Variants in CTSB observed in about 807,000 individuals in gnomAD.
CTSB encodes the protein cathepsin B, also known as APP secretase.
CTSB carries 57 observed loss-of-function variants against 44.3 expected under a neutral mutation model. The observed-to-expected ratio is 1.29, with a 90% CI of 1.04 to 1.60. CTSB has a LOEUF of 1.60. Among genes scored for constraint, CTSB ranks in the 40% most tolerant of loss-of-function variants. The pLI is 0.00. For synonymous variants in CTSB, 320 were observed against 168.0 expected, an observed-to-expected ratio of 1.91 and a Z score of -7.00; for missense variants, 768 against 443.0, an observed-to-expected ratio of 1.73 and a Z score of -6.59.
rs141015884 is a variant in CTSB at position 11,864,124 on chromosome 8, C to G, written c.-26+3877G>C. Among the ~76,000 whole-genome samples the G allele has an allele frequency of 6.4e-4, 97 of 152,146 alleles. 1 individual carries two copies. Among genetic ancestry groups the G allele is most frequent in the Non-Finnish European group, 1.2e-3 (81 of 68,006 alleles). ...GTGAAAAAGGATCCATGTAGTGTAA[C>G]TGAAGTCATATAAACTTTAATAACA... On this transcript the variant is annotated intron_variant, in intron 1 of 9. Coordinates refer to ENST00000353047, the MANE Select transcript of CTSB (RefSeq NM_001908.5).
chr8:11,849,574 G>GTT (rs1814162780), intron 4 of CTSB: 1 of 119,788 alleles, frequency 8.3e-6, no homozygotes, highest in Non-Finnish European at 1.9e-5. Flanking sequence ...GTATGTGTGT[G>GTT]TGTGGTTTTT....
chr8:11,855,343 T>C (rs1005541352), intron 1 of CTSB, among the ~76,000 whole-genome samples: 1 of 152,144 alleles, frequency 6.6e-6, no homozygotes, highest in Non-Finnish European at 1.5e-5. Flanking sequence ...TTAAAAAGTT[T>C]TATGAAAAAA....
chr8:11,859,630 C>T (rs763449495), intron 1 of CTSB, among the ~76,000 whole-genome samples: 5 of 151,526 alleles, frequency 3.3e-5, no homozygotes, highest in Non-Finnish European at 7.4e-5. Context: ...TAGCCAGGCA[C>T]GGTGGTGGGT....
At position 11,843,867 on chromosome 8, in the gene CTSB, C is replaced by G. The variant is rs1017941281; in HGVS notation, c.*1258G>C. Reference sequence around the variant, plus strand: ...CCAACATGGTGAAATCCTGTATGTACTTAAAAATACAAAAATTACCCAGGC... The same window carrying G: ...CCAACATGGTGAAATCCTGTATGTAGTTAAAAATACAAAAATTACCCAGGC... On this transcript the variant is annotated 3_prime_UTR_variant, in exon 10 of 10. Transcript: ENST00000353047. 1.3e-5 allele frequency: 2 copies of G among 152,078 alleles called. No individual in the cohort carries two copies. Among genetic ancestry groups the G allele is most frequent in the African/African-American group, 2.4e-5 (1 of 41,334 alleles). The allele number at this position is 152,078 out of a possible 1,614,324, so 9.4% of individuals were successfully genotyped here.
In CTSB at chr8:11,853,298, G is replaced by A. The variant is rs375574304; in HGVS notation, c.126+31C>T. The A allele has an allele frequency of 3.1e-6, 5 of 1,611,132 alleles. No homozygotes were observed. In the African/African-American group the frequency reaches 5.4e-5, roughly 17 times the overall value. ...GTGTGCACAGACCGACCTGGGAGGG[G>A]ACATACATAGGACGCAGCCCCACAG... On this transcript the variant is annotated intron_variant, in intron 2 of 9. Transcript: ENST00000353047.
intron 6 of CTSB, 37 bp from the exon 7 acceptor site, chr8:11,847,859 GC>G (rs1398737800): frequency 2.0e-6 from 3 of 1,478,822 alleles, no homozygotes; most frequent in African/African-American, 2.1e-5. Flanking sequence ...TCAACCTACA[GC>G]CCCCACGGAG....
intron 8 of CTSB, chr8:11,846,159 T>C (rs375915802): frequency 7.4e-4 from 117 of 157,354 alleles, no homozygotes; most frequent in African/African-American, 2.7e-3. Context: ...GTTACACGGC[T>C]TAAAGAGTTT....
intron 1 of CTSB, among the ~76,000 whole-genome samples, chr8:11,860,957 G>T (rs907516103): frequency 1.2e-4 from 18 of 152,214 alleles, no homozygotes; most frequent in African/African-American, 4.3e-4. Context: ...GAGCAGCCCT[G>T]CACTGGGTGG....
chr8:11,849,787 G>C (rs1006667033), intron 4 of CTSB, among the ~76,000 whole-genome samples: 2 of 151,982 alleles, frequency 1.3e-5, no homozygotes, highest in African/African-American at 4.8e-5. Flanking sequence ...CACCATGTTG[G>C]CCAGGTTGGT....
intron 1 of CTSB, 45 bp from the exon 2 acceptor site, chr8:11,853,524 T>A: frequency 6.4e-7 from 1 of 1,552,050 alleles, no homozygotes; most frequent in Non-Finnish European, 8.7e-7. Flanking sequence ...GTTATGTGGG[T>A]CGAGGGCTCA....
intron 3 of CTSB, among the ~76,000 whole-genome samples, chr8:11,851,792 G>A (rs537360733): frequency 4.0e-5 from 6 of 151,888 alleles, no homozygotes; most frequent in Non-Finnish European, 5.9e-5. Flanking sequence ...TCAGCCTCCC[G>A]AGTAGCTGGG....
In CTSB at chr8:11,847,805, T is replaced by C. The variant is rs375982831; in HGVS notation, c.550A>G (p.Ile184Val). Residue 184 changes from isoleucine to valine, a missense_variant, in exon 7 of 10, where the codon ATC becomes GTC. Physicochemically the swap from Ile to Val is conservative, Grantham distance 29 (BLOSUM62 3). Transcript: ENST00000353047. ...TTGACGTGGTGCTCACAGGGAGGGATGGAGTACGGTCTGCACCCTGATGGG... is the reference window on the plus strand; with the variant it reads ...TTGACGTGGTGCTCACAGGGAGGGACGGAGTACGGTCTGCACCCTGATGGG... Reference protein sequence around the residue: ...ESHVGCRPYSIPPCEHHVNGS... With the variant: ...ESHVGCRPYSVPPCEHHVNGS... 3.1e-6 allele frequency: 5 copies of C among 1,597,608 alleles called. No individual in the cohort carries two copies. The highest frequency in any genetic ancestry group is 4.3e-6 in the Non-Finnish European group (5 of 1,175,428).
chr8:11,849,218 G>A lies in CTSB; in HGVS notation c.328-54C>T, dbSNP rs548844821. Reference sequence around the variant, plus strand: ...CTGCCATGTCCGGGCTGGGCCCTCTGCAGCAGTCCCCTCAAAGGGCCACAG... The same window carrying A: ...CTGCCATGTCCGGGCTGGGCCCTCTACAGCAGTCCCCTCAAAGGGCCACAG... On this transcript the variant is annotated intron_variant, in intron 4 of 9. Coordinates refer to ENST00000353047, the MANE Select transcript of CTSB (RefSeq NM_001908.5). 6.5e-5 allele frequency: 96 copies of A among 1,477,316 alleles called. No homozygotes were observed. In the African/African-American group the frequency reaches 1.1e-3, roughly 16 times the overall value. 91.5% of individuals were successfully genotyped at this position (1,477,316 alleles called of 1,614,324 possible). A position where few individuals can be genotyped will look rare whatever the true frequency, so the allele number is the denominator to read the frequency against.
chr8:11,847,037 G>A lies in CTSB; in HGVS notation c.793+15C>T, dbSNP rs765203562. On this transcript the variant is annotated intron_variant, in intron 8 of 9. Coordinates refer to ENST00000353047, the MANE Select transcript of CTSB (RefSeq NM_001908.5). ...CGACCCCCACCCTCTATTGCCATCAGCCATCAGCACGCACCTGACTTGTAG... is the reference window on the plus strand; with the variant it reads ...CGACCCCCACCCTCTATTGCCATCAACCATCAGCACGCACCTGACTTGTAG... 17 of 1,124,898 alleles carry A rather than the reference G, an allele frequency of 1.5e-5. No individual in the cohort carries two copies. The highest frequency in any genetic ancestry group is 2.6e-5 in the East Asian group (1 of 39,042). The allele number at this position is 1,124,898 out of a possible 1,614,324, so 69.7% of individuals were successfully genotyped here.
chr8:11,852,963 C>G (rs1814864242), intron 2 of CTSB, among the ~76,000 whole-genome samples: 3 of 152,120 alleles, frequency 2.0e-5, no homozygotes, highest in African/African-American at 7.2e-5. Flanking sequence ...GTCCGAGGGT[C>G]AGGGCTGGGC....
chr8:11,851,546 A>C (rs528123231), intron 3 of CTSB, among the ~76,000 whole-genome samples: 18 of 152,026 alleles, frequency 1.2e-4, no homozygotes, highest in Admixed American at 2.0e-4. Flanking sequence ...TTTTAAGATG[A>C]ATTTATCCAC....
chr8:11,858,264 C>T (rs1418360116), intron 1 of CTSB, among the ~76,000 whole-genome samples: 4 of 152,190 alleles, frequency 2.6e-5, no homozygotes, highest in South Asian at 2.1e-4. Flanking sequence ...AGGTCCCCAA[C>T]GCCAGGAAGA....
At chr8:11,847,938 T>A in intron 6 of CTSB, 116 bp from the exon 7 acceptor site, 1 of 1,368,426 alleles carries the variant, frequency 7.3e-7, no homozygotes. Context: ...CAGAGGCCTG[T>A]GCACCTGGCT....
chr8:11,864,036 G>A (rs1018493771), intron 1 of CTSB, among the ~76,000 whole-genome samples: 11 of 152,034 alleles, frequency 7.2e-5, no homozygotes, highest in African/African-American at 2.7e-4. Flanking sequence ...TAAACACACT[G>A]GGCACTTAAC....
Sources: allele counts gnomAD v4.1 joint callset (sites outside exome capture counted in the v4.1 genomes callset), GRCh38; gene constraint gnomAD v4.1.1; transcripts MANE v1.5; gene names NCBI Gene and HGNC (gene_info 2026-07-23, HGNC 2026-07-21).